Variants in ASTN2 observed in about 807,000 individuals in gnomAD.
The protein encoded by ASTN2 is astrotactin-2.
Under a neutral mutation model 139.8 loss-of-function variants are expected in ASTN2, and 54 were observed. The observed-to-expected ratio is 0.39, with a 90% CI of 0.31 to 0.48. The LOEUF is 0.48. ASTN2 is among the 20% of genes least tolerant of loss of function. ASTN2 has a pLI of 0.95. For synonymous variants in ASTN2, 756 were observed against 719.5 expected (o/e 1.05, Z -0.81); for missense variants, 1,565 against 1,725.1 (o/e 0.91, Z 1.64).
At chr9:116,681,239 C>T (rs1450558226) in intron 16 of ASTN2, among the ~76,000 whole-genome samples, 10 of 152,224 alleles carry the variant, frequency 6.6e-5, no homozygotes, top group Admixed American at 5.2e-4. Context: ...AACAGACAAA[C>T]GGAGAGCCAA....
rs2132072865 is a variant in ASTN2 at position 116,698,519 on chromosome 9, T to C, written c.2806+27252A>G. 3.7e-6 allele frequency: 6 copies of C among 1,613,702 alleles called. No individual in the cohort carries two copies. The highest frequency in any genetic ancestry group is 3.4e-6 in the Non-Finnish European group (4 of 1,179,982). ...TAGCACTACTGGAGGAGACAGCTGA[T>C]GAGGAGGAGCCAGAGCTCACTGCCA... On this transcript the variant is annotated intron_variant, in intron 16 of 22. Coordinates refer to ENST00000313400, the MANE Select transcript of ASTN2 (RefSeq NM_001365068.1). The surrounding 1 kb of genome is among the most constrained non-coding windows in gnomAD (Gnocchi z 4.4).
intron 13 of ASTN2, among the ~76,000 whole-genome samples, chr9:116,753,416 T>G (rs1355962738): frequency 6.6e-6 from 1 of 152,204 alleles, no homozygotes; most frequent in Non-Finnish European, 1.5e-5. Context: ...ATTCTGTATA[T>G]TCTGTATGAT....
In ASTN2 at chr9:116,651,660, C is replaced by A; in HGVS notation, c.2940G>T (p.Lys980Asn). ...ISGVEIRCEE[K>N]GRCPSTCHLC... ...GGTGACAGGTAGATGGACAGCGCCCCTTCTCCTCACAGCGAATCTCCACAC... is the reference window on the plus strand; with the variant it reads ...GGTGACAGGTAGATGGACAGCGCCCATTCTCCTCACAGCGAATCTCCACAC... The change falls in exon 17 of 23, where the codon AAG (lysine) becomes AAT (asparagine). Residue 980 changes from lysine (K) to asparagine (N), a missense_variant. Coordinates refer to ENST00000313400, the MANE Select transcript of ASTN2 (RefSeq NM_001365068.1). 6.2e-7 allele frequency: 1 copy of A among 1,614,152 alleles called. No individual in the cohort carries two copies. The highest frequency in any genetic ancestry group is 1.1e-5 in the South Asian group (1 of 91,080).
chr9:117,325,302 T>C (rs1828478273), intron 1 of ASTN2, among the ~76,000 whole-genome samples: 1 of 152,116 alleles, frequency 6.6e-6, no homozygotes, highest in Non-Finnish European at 1.5e-5. Flanking sequence ...GGCCAGAGTG[T>C]ACAGGCTCAC....
intron 5 of ASTN2, among the ~76,000 whole-genome samples, chr9:117,083,630 C>T (rs1167810194): frequency 2.6e-5 from 4 of 151,984 alleles, no homozygotes; most frequent in African/African-American, 4.8e-5. Flanking sequence ...TTGCTTGGGG[C>T]GGGAAGCAAA....
chr9:117,175,279 G>A (rs1381772836), intron 3 of ASTN2, among the ~76,000 whole-genome samples: 1 of 152,076 alleles, frequency 6.6e-6, no homozygotes, highest in Non-Finnish European at 1.5e-5. Context: ...AAAATGTTTA[G>A]ATGTTTAACT....
intron 11 of ASTN2, among the ~76,000 whole-genome samples, chr9:116,861,364 C>G (rs1472626181): frequency 2.0e-5 from 3 of 152,112 alleles, no homozygotes; most frequent in Admixed American, 6.6e-5. Context: ...AGGAAAGAGG[C>G]AGACAACTTA....
intron 3 of ASTN2, among the ~76,000 whole-genome samples, chr9:117,198,387 C>G (rs1444194602): frequency 2.0e-5 from 3 of 152,050 alleles, no homozygotes; most frequent in Non-Finnish European, 4.4e-5. Flanking sequence ...GCATAGTATT[C>G]CATGGTGTAT....
chr9:116,533,467 TG>T (rs1406334514), intron 19 of ASTN2, among the ~76,000 whole-genome samples: 6 of 152,218 alleles, frequency 3.9e-5, no homozygotes, highest in African/African-American at 1.4e-4. Flanking sequence ...TTCCAGTTTT[TG>T]TCTGTTCAGT....
rs765684225 is a variant in ASTN2, at chr9:116,651,801, G to A, written c.2807-8C>T. The A allele has an allele frequency of 6.2e-7, 1 of 1,609,666 alleles. No homozygotes were observed. Among genetic ancestry groups the A allele is most frequent in the Non-Finnish European group, 8.5e-7 (1 of 1,176,424 alleles). The stretch of plus-strand genomic sequence containing the variant: ...TGCCCAGCTCTGTGGTCTCTGGAGA[G>A]GCACAAGACAGGAAGAGCGAAAGGT... On this transcript the variant is annotated splice_region_variant and splice_polypyrimidine_tract_variant and intron_variant, in intron 16 of 22. Transcript: ENST00000313400.
At chr9:117,203,169 T>C (rs1189985795) in intron 3 of ASTN2, among the ~76,000 whole-genome samples, 1 of 151,994 alleles carries the variant, frequency 6.6e-6, no homozygotes, top group Non-Finnish European at 1.5e-5. Flanking sequence ...TCTTATGCTA[T>C]GTTTTTCAGC....
At chr9:117,120,245 C>G (rs552946585) in intron 4 of ASTN2, among the ~76,000 whole-genome samples, 1 of 151,724 alleles carries the variant, frequency 6.6e-6, no homozygotes. Flanking sequence ...TGAGAACTTC[C>G]TGCACAATGA....
chr9:116,818,978 T>C (rs897324020), intron 12 of ASTN2, among the ~76,000 whole-genome samples: 1 of 152,176 alleles, frequency 6.6e-6, no homozygotes, highest in Non-Finnish European at 1.5e-5. Context: ...ATTATCATTA[T>C]ATTAAGGTAG....
Position 116,423,219 on chromosome 9 carries a change from C to A in ASTN2, c.*2632G>T, listed in dbSNP as rs944471947. On this transcript the variant is annotated 3_prime_UTR_variant, in exon 23 of 23. Transcript: ENST00000313400. ...ACAGTATTATGCATATTGTCTCCAT[C>A]AGGAGAAAAAATAAAAAATAAAATA... is the stretch of plus-strand genomic sequence containing the variant. Among the ~76,000 whole-genome samples the A allele has an allele frequency of 6.6e-6, 1 of 152,048 alleles. No individual in the cohort carries two copies. Among genetic ancestry groups the A allele is most frequent in the Admixed American group, 6.6e-5 (1 of 15,260 alleles).
chr9:116,890,707 G>C lies in ASTN2; in HGVS notation c.1890-26974C>G, dbSNP rs1311434282. On this transcript the variant is annotated intron_variant, in intron 10 of 22. Transcript: ENST00000313400. ...TGATAAGGTCGACAAGGTAACAGAA[G>C]TTAGCATGTTTAAAGCTCCCCAGGG... Among the ~76,000 whole-genome samples the C allele has an allele frequency of 2.0e-5, 3 of 152,254 alleles. No homozygotes were observed. The East Asian group carries it at 5.8e-4, about 29-fold the overall frequency.
rs761987626 is a variant in ASTN2 at position 116,805,787 on chromosome 9, T to C, written c.2241A>G (p.Gly747=). The change falls in exon 13 of 23, where the codon GGA becomes GGG. Residue 747 remains glycine (G), a synonymous_variant. Coordinates refer to ENST00000313400, the MANE Select transcript of ASTN2 (RefSeq NM_001365068.1). ...CVEEYKLAPD[G]KSCLMLSDVC... is the part of the protein sequence containing the mutation. ...CATCTGAGAGCATTAAGCAGGATTT[T>C]CCATCAGGAGCCAGTTTGTACTCCT... 1.2e-6 allele frequency: 2 copies of C among 1,613,902 alleles called. No individual in the cohort carries two copies. Among genetic ancestry groups the C allele is most frequent in the Admixed American group, 3.3e-5 (2 of 60,008 alleles).
intron 13 of ASTN2, among the ~76,000 whole-genome samples, chr9:116,783,407 A>G (rs1433936165): frequency 1.4e-5 from 2 of 147,826 alleles, no homozygotes; most frequent in Non-Finnish European, 3.0e-5. Flanking sequence ...TTAACGACCT[A>G]CCACGCACCA....
rs550950073 is a variant in ASTN2 at position 116,726,084 on chromosome 9, C to T, written c.2627-134G>A. ...CAGCACAGTGGCAGCTTGGTGGCTG[C>T]ACTAGTCCAAACATATACATAATTC... is the stretch of plus-strand genomic sequence containing the variant. On this transcript the variant is annotated intron_variant, in intron 15 of 22. Coordinates refer to ENST00000313400, the MANE Select transcript of ASTN2 (RefSeq NM_001365068.1). 60 of 737,210 alleles carry T rather than the reference C, an allele frequency of 8.1e-5. No homozygotes were observed. The African/African-American group carries it at 8.7e-4, about 11-fold the overall frequency. 45.7% of individuals were successfully genotyped at this position (737,210 alleles called of 1,614,324 possible). A position where few individuals can be genotyped will look rare whatever the true frequency, so the allele number is the denominator to read the frequency against.
intron 4 of ASTN2, among the ~76,000 whole-genome samples, chr9:117,097,179 G>A (rs1828861721): frequency 6.6e-6 from 1 of 152,182 alleles, no homozygotes; most frequent in Non-Finnish European, 1.5e-5. Flanking sequence ...CAGCGAGGAT[G>A]GGAGGAGGAG....
Sources: allele counts gnomAD v4.1 joint callset (sites outside exome capture counted in the v4.1 genomes callset), GRCh38; gene constraint gnomAD v4.1.1; non-coding constraint Gnocchi (gnomAD v3.1); transcripts MANE v1.5; gene names NCBI Gene and HGNC (gene_info 2026-07-23, HGNC 2026-07-21).